The following OR10G7 variants were observed in gnomAD, a reference collection of about 807,000 sequenced individuals.
OR10G7 encodes the protein olfactory receptor 10G7.
For synonymous variants in OR10G7, 165 were observed against 167.4 expected (o/e 0.99, Z 0.11); for missense variants, 338 against 382.1 (o/e 0.88, Z 0.96).
chr11:124,040,277 A>T (rs1489950627), intron 1 of OR10G7, among the ~76,000 whole-genome samples: 1 of 152,110 alleles, frequency 6.6e-6, no homozygotes, highest in East Asian at 1.9e-4. Context: ...AATTAAAATA[A>T]TAATATAGTT....
At position 124,038,028 on chromosome 11, in the gene OR10G7, TAAAAA is replaced by T. The variant is rs564168235; in HGVS notation, c.*33_*37del. 1.6e-3 allele frequency: 2,269 copies of T among 1,384,618 alleles called. 47 individuals are homozygous for T. The African/African-American group carries it at 0.027, about 17-fold the overall frequency. 85.8% of individuals were successfully genotyped at this position (1,384,618 alleles called of 1,614,324 possible). A position where few individuals can be genotyped will look rare whatever the true frequency, so the allele number is the denominator to read the frequency against. ...GTTGAAGGTTTAATTTAATTACAAA[TAAAAA>T]AAGAAAAGTTAGCCATATATGGCCT... On this transcript the variant is annotated 3_prime_UTR_variant, in exon 2 of 2. Transcript: ENST00000641585.
chr11:124,037,776 C>T lies in OR10G7; in HGVS notation c.*290G>A. On this transcript the variant is annotated 3_prime_UTR_variant, in exon 2 of 2. Transcript: ENST00000641585. ...ACTGTAAGAACATTATACTGAATAA[C>T]AATTCTGGAAAATATTTATATAAGA... is the stretch of plus-strand genomic sequence containing the variant. 1 of 179,876 alleles carries T rather than the reference C, an allele frequency of 5.6e-6. No homozygotes were observed. The highest frequency in any genetic ancestry group is 1.2e-5 in the Non-Finnish European group (1 of 86,330). 11.1% of individuals were successfully genotyped at this position (179,876 alleles called of 1,614,324 possible). A position where few individuals can be genotyped will look rare whatever the true frequency, so the allele number is the denominator to read the frequency against.
In OR10G7 at chr11:124,036,187, A is replaced by G. The variant is rs754335659; in HGVS notation, c.*1879T>C. 3.3e-5 allele frequency: 5 copies of G among 152,204 alleles called. No homozygotes were observed. Among genetic ancestry groups the G allele is most frequent in the African/African-American group, 4.8e-5 (2 of 41,456 alleles). The allele number at this position is 152,204 out of a possible 1,614,324, so 9.4% of individuals were successfully genotyped here. On this transcript the variant is annotated 3_prime_UTR_variant, in exon 2 of 2. Coordinates refer to ENST00000641585, the MANE Select transcript of OR10G7 (RefSeq NM_001004463.2). ...GGGGGAAACTGGGCAAGGTATAACA[A>G]GAACTATCACTGTGTTATTTCTTAC...
chr11:124,038,888 C>T lies in OR10G7; in HGVS notation c.114G>A (p.Leu38=). 10 of 1,613,680 alleles carry T rather than the reference C, an allele frequency of 6.2e-6. No individual in the cohort carries two copies. Among genetic ancestry groups the T allele is most frequent in the Non-Finnish European group, 8.5e-6 (10 of 1,179,816 alleles). The change falls in exon 2 of 2, where the codon CTG becomes CTA. Residue 38 remains leucine, a synonymous_variant. Transcript: ENST00000641585. ...TCACCAGCAGGATGAGGAGGTTCCC[C>T]AGCACAGTGAGCACGTAAACCACCA... ...IFLVVYVLTV[L]GNLLILLVIR...
Position 124,038,086 on chromosome 11 carries a change from C to T in OR10G7, c.916G>A (p.Val306Ile). ...KALLKLKNGS[V>I]FAQGE The stretch of plus-strand genomic sequence containing the variant: ...CTTAACTATTCACCCTGAGCAAATA[C>T]TGACCCATTTTTCAGCTTCAACAGA... The change falls in exon 2 of 2, where the codon GTA (valine) becomes ATA (isoleucine). Residue 306 changes from valine to isoleucine, a missense_variant. Physicochemically the swap from Val to Ile is conservative, Grantham distance 29. Coordinates refer to ENST00000641585, the MANE Select transcript of OR10G7 (RefSeq NM_001004463.2). The T allele has an allele frequency of 2.5e-6, 4 of 1,612,292 alleles. No individual in the cohort carries two copies. Among genetic ancestry groups the T allele is most frequent in the Non-Finnish European group, 3.4e-6 (4 of 1,179,160 alleles).
At chr11:124,040,011 A>G (rs961305741) in intron 1 of OR10G7, among the ~76,000 whole-genome samples, 1 of 152,132 alleles carries the variant, frequency 6.6e-6, no homozygotes, top group African/African-American at 2.4e-5. Flanking sequence ...CTTCCTGGTC[A>G]TATACAAAGT....
In OR10G7 at chr11:124,036,220, T is replaced by C. The variant is rs1864190755; in HGVS notation, c.*1846A>G. The stretch of plus-strand genomic sequence containing the variant: ...CACTGTGTTATTTCTTACAACTTCA[T>C]GCGATTCTAAAATTATTTCAACAAC... On this transcript the variant is annotated 3_prime_UTR_variant, in exon 2 of 2. Transcript: ENST00000641585. The C allele has an allele frequency of 6.6e-6, 1 of 152,220 alleles. No individual in the cohort carries two copies. The highest frequency in any genetic ancestry group is 1.5e-5 in the Non-Finnish European group (1 of 68,034). 9.4% of individuals were successfully genotyped at this position (152,220 alleles called of 1,614,324 possible).
Position 124,038,408 on chromosome 11 carries a change from G to A in OR10G7, c.594C>T (p.Ile198=), listed in dbSNP as rs1864211981. ...AGGCCACTAGCCCAATATTCACAAA[G>A]ATGACCATCTCGTTGGCTGAGGTGT... ...CADTSANEMV[I]FVNIGLVASG... Residue 198 remains isoleucine (I), a synonymous_variant, in exon 2 of 2, where the codon ATC becomes ATT. Coordinates refer to ENST00000641585, the MANE Select transcript of OR10G7 (RefSeq NM_001004463.2). 1.2e-6 allele frequency: 2 copies of A among 1,614,048 alleles called. No homozygotes were observed. The highest frequency in any genetic ancestry group is 8.5e-7 in the Non-Finnish European group (1 of 1,179,972).
rs1253874078 is a variant in OR10G7, at chr11:124,038,704, G to A, written c.298C>T (p.Leu100Phe). The A allele has an allele frequency of 6.2e-7, 1 of 1,614,058 alleles. No homozygotes were observed. Among genetic ancestry groups the A allele is most frequent in the Admixed American group, 1.7e-5 (1 of 60,026 alleles). Residue 100 changes from leucine (L) to phenylalanine (F), a missense_variant, in exon 2 of 2, where the codon CTC (leucine) becomes TTC (phenylalanine). Transcript: ENST00000641585. ...CTCCCCAGGAAGTGGAAAAAATAGA[G>A]CTGAGCCACGCAGCTGTGGAAGGAG... The part of the protein sequence containing the change: ...TISFHSCVAQ[L>F]YFFHFLGSTE...
chr11:124,037,340 T>C lies in OR10G7; in HGVS notation c.*726A>G, dbSNP rs1211960530. 1 of 152,152 alleles carries C rather than the reference T, an allele frequency of 6.6e-6. No homozygotes were observed. The highest frequency in any genetic ancestry group is 2.4e-5 in the African/African-American group (1 of 41,420). The allele number at this position is 152,152 out of a possible 1,614,324, so 9.4% of individuals were successfully genotyped here. A position where few individuals can be genotyped will look rare whatever the true frequency, so the allele number is the denominator to read the frequency against. The stretch of plus-strand genomic sequence containing the variant: ...TTTATTATTTATCCTCTGGTACTTA[T>C]AAAAATAATTTTAAAATTGCTGAAA... On this transcript the variant is annotated 3_prime_UTR_variant, in exon 2 of 2. Coordinates refer to ENST00000641585, the MANE Select transcript of OR10G7 (RefSeq NM_001004463.2).
At position 124,038,254 on chromosome 11, in the gene OR10G7, A is replaced by G. The variant is rs1864209140; in HGVS notation, c.748T>C (p.Phe250Leu). 1 of 1,614,008 alleles carries G rather than the reference A, an allele frequency of 6.2e-7. No homozygotes were observed. Among genetic ancestry groups the G allele is most frequent in the African/African-American group, 1.3e-5 (1 of 74,848 alleles). Residue 250 changes from phenylalanine to leucine, a missense_variant, in exon 2 of 2, where the codon TTC (phenylalanine) becomes CTC (leucine). By Grantham distance (22) the Phe-to-Leu change is conservative (BLOSUM62 0). Transcript: ENST00000641585. Reference protein sequence around the residue: ...CASHCIVVLCFFGPGLFIYLR... With the variant: ...CASHCIVVLCLFGPGLFIYLR... ...TAAATGAAAAGACCAGGGCCAAAGA[A>G]GCAAAGGACCACGATACAGTGGGAG...
rs761120286 is a variant in OR10G7 at position 124,038,619 on chromosome 11, G to A, written c.383C>T (p.Pro128Leu). 66 of 1,613,856 alleles carry A rather than the reference G, an allele frequency of 4.1e-5. No homozygotes were observed. The highest frequency in any genetic ancestry group is 2.5e-4 in the South Asian group (23 of 91,070). Reference sequence around the variant, plus strand: ...AGTCATCATGTTGGTGTACCTGAGCGGGTAACTGATGGCCAGGTAGCGATC... The same window carrying A: ...AGTCATCATGTTGGTGTACCTGAGCAGGTAACTGATGGCCAGGTAGCGATC... ...SYDRYLAISY[P>L]LRYTNMMTGR... The change falls in exon 2 of 2, where the codon CCG becomes CTG. Residue 128 changes from proline (P) to leucine (L), a missense_variant. Physicochemically the swap from Pro to Leu is moderately conservative, Grantham distance 98 (BLOSUM62 -3). Transcript: ENST00000641585.
Position 124,038,949 on chromosome 11 carries a change from G to A in OR10G7, c.53C>T (p.Ala18Val), listed in dbSNP as rs3894198. 0.27 allele frequency: 436,041 copies of A among 1,598,970 alleles called. 24,386 individuals carry two copies. The highest frequency in any genetic ancestry group is 0.36 in the East Asian group (16,138 of 44,604). The change falls in exon 2 of 2, where the codon GCC becomes GTC. Residue 18 changes from alanine to valine, a missense_variant. Ala to Val is a moderately conservative substitution (Grantham distance 64). Transcript: ENST00000641585. Reference sequence around the variant, plus strand: ...AAAGAGGGGGGCGTCCAGCCCTGGGGCATGGGGAAGGCCCGTGAGGATGAA... The same window carrying A: ...AAAGAGGGGGGCGTCCAGCCCTGGGACATGGGGAAGGCCCGTGAGGATGAA... ...TAFILTGLPH[A>V]PGLDAPLFGI...
intron 1 of OR10G7, 140 bp from the exon 2 acceptor site, chr11:124,039,161 G>T: frequency 1.1e-6 from 1 of 881,700 alleles, no homozygotes; most frequent in Non-Finnish European, 1.7e-6. Flanking sequence ...CTTCAGTATA[G>T]GTCTTTGAAG....
At chr11:124,039,200 A>G (rs927289797) in intron 1 of OR10G7, among the ~76,000 whole-genome samples, 179 bp from the exon 2 acceptor site, 24 of 152,116 alleles carry the variant, frequency 1.6e-4, no homozygotes, top group African/African-American at 5.8e-4. Flanking sequence ...TTCCAGTACC[A>G]GAATAAGCCA....
At position 124,038,817 on chromosome 11, in the gene OR10G7, G is replaced by T; in HGVS notation, c.185C>A (p.Thr62Asn). The T allele has an allele frequency of 6.2e-7, 1 of 1,613,880 alleles. No homozygotes were observed. The highest frequency in any genetic ancestry group is 1.1e-5 in the South Asian group (1 of 91,072). The change falls in exon 2 of 2, where the codon ACC (threonine) becomes AAC (asparagine). Residue 62 changes from threonine (T) to asparagine (N), a missense_variant. Physicochemically the swap from Thr to Asn is moderately conservative, Grantham distance 65. Coordinates refer to ENST00000641585, the MANE Select transcript of OR10G7 (RefSeq NM_001004463.2). The stretch of plus-strand genomic sequence containing the variant: ...CCACATGTCAATGAAGGACAGGTTG[G>T]TGAGGAAGTAGTACATGGGGGTGTG... ...HLHTPMYYFL[T>N]NLSFIDMWFS...
At position 124,038,348 on chromosome 11, in the gene OR10G7, C is replaced by T; in HGVS notation, c.654G>A (p.Val218=). Residue 218 remains valine, a synonymous_variant, in exon 2 of 2, where the codon GTG becomes GTA. Transcript: ENST00000641585. Reference sequence around the variant, plus strand: ...TCCGCAGGATGGAACAGACGATGGACACATAGGACAGCACTATCAGGACAA... The same window carrying T: ...TCCGCAGGATGGAACAGACGATGGATACATAGGACAGCACTATCAGGACAA... ...GCFVLIVLSY[V]SIVCSILRIR... is the part of the protein sequence containing the mutation. 1.2e-6 allele frequency: 2 copies of T among 1,614,098 alleles called. No homozygotes were observed. The highest frequency in any genetic ancestry group is 2.7e-5 in the African/African-American group (2 of 74,966).
At position 124,039,354 on chromosome 11, in the gene OR10G7, G is replaced by A. The variant is rs113249301; in HGVS notation, c.-20-333C>T. 3.7e-3 allele frequency among the ~76,000 whole-genome samples: 564 copies of A among 152,102 alleles called. 8 individuals are homozygous for A. Among genetic ancestry groups the A allele is most frequent in the African/African-American group, 0.013 (536 of 41,428 alleles). On this transcript the variant is annotated intron_variant, in intron 1 of 1. Coordinates refer to ENST00000641585, the MANE Select transcript of OR10G7 (RefSeq NM_001004463.2). ...GCTGGCAAGCTCTTTCCGGGGATAA[G>A]CCTTTATTCAAGCATCTCTCTCTGT...
At position 124,037,256 on chromosome 11, in the gene OR10G7, T is replaced by A. The variant is rs535965706; in HGVS notation, c.*810A>T. 1 of 152,338 alleles carries A rather than the reference T, an allele frequency of 6.6e-6. No homozygotes were observed. Among genetic ancestry groups the A allele is most frequent in the African/African-American group, 2.4e-5 (1 of 41,586 alleles). 9.4% of individuals were successfully genotyped at this position (152,338 alleles called of 1,614,324 possible). On this transcript the variant is annotated 3_prime_UTR_variant, in exon 2 of 2. Transcript: ENST00000641585. ...TACTTTATTCTAAATTAAGGGATACTCTTAACAGTTTTTGACTGCATATTT... is the reference window on the plus strand; with the variant it reads ...TACTTTATTCTAAATTAAGGGATACACTTAACAGTTTTTGACTGCATATTT...
Sources: gnomAD v4.1 joint callset for allele counts (sites outside exome capture counted in the v4.1 genomes callset) on GRCh38, gnomAD v4.1.1 for gene constraint, MANE v1.5 for transcripts, NCBI Gene and HGNC (gene_info 2026-07-23, HGNC 2026-07-21) for gene names.